Variants in WDR70 observed in about 807,000 individuals in gnomAD.
WDR70 encodes WD repeat domain 70.
A neutral mutation model predicts 88.6 loss-of-function variants in WDR70; 53 were observed. That is an observed-to-expected ratio of 0.60 (90% CI 0.48 to 0.75). WDR70 has a LOEUF of 0.75. Ranked by LOEUF, WDR70 falls within the 30% of genes least tolerant of loss-of-function variation. WDR70 has a pLI of 0.00. For missense variants in WDR70, 610 were observed against 823.2 expected (o/e 0.74, Z 3.17); for synonymous variants, 280 against 270.0 (o/e 1.04, Z -0.36).
At chr5:37,466,705 CAAAAAAAAAA>C (rs796359494) in intron 7 of WDR70, among the ~76,000 whole-genome samples, 2 of 65,530 alleles carry the variant, frequency 3.1e-5, no homozygotes, top group African/African-American at 1.3e-4. Context: ...GACTCCATCT[CAAAAAAAAAA>C]AAAAAAAAAA....
chr5:37,534,648 C>T (rs971953904), intron 9 of WDR70, among the ~76,000 whole-genome samples: 1 of 152,064 alleles, frequency 6.6e-6, no homozygotes. Flanking sequence ...CAGGCTCCCA[C>T]CACCACACCT....
chr5:37,673,575 CTT>C (rs1262634558), intron 10 of WDR70, among the ~76,000 whole-genome samples: 3 of 78,758 alleles, frequency 3.8e-5, no homozygotes, highest in Non-Finnish European at 7.6e-5. Flanking sequence ...TATTTTTTGA[CTT>C]TTCTTACCCC....
At chr5:37,716,725 A>G (rs1011059027) in intron 13 of WDR70, among the ~76,000 whole-genome samples, 1 of 152,134 alleles carries the variant, frequency 6.6e-6, no homozygotes, top group Non-Finnish European at 1.5e-5. Context: ...TTCCCTTTCT[A>G]CCATGTCCTA....
At chr5:37,568,477 T>C (rs4869437) in intron 9 of WDR70, among the ~76,000 whole-genome samples, 21,132 of 152,252 alleles carry the variant, frequency 0.14, 1,671 homozygotes, top group South Asian at 0.26. Context: ...TAAACAAGAA[T>C]GCACTATATT....
intron 17 of WDR70, among the ~76,000 whole-genome samples, chr5:37,747,714 G>T (rs891636006): frequency 6.6e-6 from 1 of 152,206 alleles, no homozygotes; most frequent in East Asian, 1.9e-4. Flanking sequence ...GTTTGCAGAT[G>T]ACATGATTTT....
intron 13 of WDR70, among the ~76,000 whole-genome samples, chr5:37,708,846 G>A (rs1053864960): frequency 6.6e-6 from 1 of 152,106 alleles, no homozygotes; most frequent in African/African-American, 2.4e-5. Context: ...GCCGATCTGG[G>A]AATTCACTTC....
Position 37,713,269 on chromosome 5 carries a change from C to T in WDR70, c.1417-7846C>T, listed in dbSNP as rs572528577. Among the ~76,000 whole-genome samples the T allele has an allele frequency of 1.4e-4, 21 of 152,232 alleles. No individual in the cohort carries two copies. The South Asian group carries it at 1.5e-3, about 11-fold the overall frequency. On this transcript the variant is annotated intron_variant, in intron 13 of 17. Transcript: ENST00000265107. ...ATGAGGATCAAAAGGAGGGCTTATC[C>T]AGTTTAATAGTTTATCCATTTCCTA... is the stretch of plus-strand genomic sequence containing the variant.
In WDR70 at chr5:37,689,138, C is replaced by T. The variant is rs112836642; in HGVS notation, c.1093-8517C>T. Among the ~76,000 whole-genome samples, 558 of 152,316 alleles carry T rather than the reference C, an allele frequency of 3.7e-3. 8 individuals are homozygous for T. The highest frequency in any genetic ancestry group is 0.013 in the African/African-American group (528 of 41,556). On this transcript the variant is annotated intron_variant, in intron 10 of 17. Coordinates refer to ENST00000265107, the MANE Select transcript of WDR70 (RefSeq NM_018034.4). Reference sequence around the variant, plus strand: ...GGCGGCAGCCTGGCTGGGGGAGGGGCGTCCGCCATTGCTGAGGCTTGAGTA... The same window carrying T: ...GGCGGCAGCCTGGCTGGGGGAGGGGTGTCCGCCATTGCTGAGGCTTGAGTA...
At position 37,485,197 on chromosome 5, in the gene WDR70, T is replaced by G. The variant is rs547360410; in HGVS notation, c.840+5210T>G. On this transcript the variant is annotated intron_variant, in intron 8 of 17. Coordinates refer to ENST00000265107, the MANE Select transcript of WDR70 (RefSeq NM_018034.4). The stretch of plus-strand genomic sequence containing the variant: ...TTTTGTAATACAGTAATTCTCATGA[T>G]TTTTGTCTGAATTGAAATCTTCTAT... 3.3e-5 allele frequency among the ~76,000 whole-genome samples: 5 copies of G among 152,332 alleles called. No homozygotes were observed. The East Asian group carries it at 7.7e-4, about 23-fold the overall frequency.
chr5:37,728,340 C>A (rs1748046019), intron 17 of WDR70, among the ~76,000 whole-genome samples: 1 of 131,726 alleles, frequency 7.6e-6, no homozygotes, highest in Non-Finnish European at 1.6e-5. Context: ...AGAGTAAGAC[C>A]TTGCCTCCAA....
At chr5:37,564,909 T>C (rs1042690371) in intron 9 of WDR70, among the ~76,000 whole-genome samples, 12 of 152,198 alleles carry the variant, frequency 7.9e-5, no homozygotes, top group African/African-American at 2.7e-4. Context: ...TTATGTTAAT[T>C]GATACTTTTC....
At chr5:37,406,976 A>G (rs1302976249) in intron 5 of WDR70, among the ~76,000 whole-genome samples, 1 of 152,202 alleles carries the variant, frequency 6.6e-6, no homozygotes, top group East Asian at 1.9e-4. Flanking sequence ...AACAAAAGGA[A>G]CTAACGAAAA....
chr5:37,606,981 T>G (rs2112479283), intron 10 of WDR70, among the ~76,000 whole-genome samples: 2 of 140,846 alleles, frequency 1.4e-5, no homozygotes, highest in South Asian at 5.1e-4. Context: ...CTCTGTCACC[T>G]AGGCTGGAGT....
At chr5:37,616,496 A>G (rs1744347512) in intron 10 of WDR70, among the ~76,000 whole-genome samples, 1 of 152,014 alleles carries the variant, frequency 6.6e-6, no homozygotes, top group South Asian at 2.1e-4. Flanking sequence ...CTTTTCCTAT[A>G]CTAAACACTC....
intron 5 of WDR70, among the ~76,000 whole-genome samples, chr5:37,410,397 C>T (rs78650033): frequency 1.3e-5 from 2 of 151,840 alleles, no homozygotes; most frequent in East Asian, 3.9e-4. Flanking sequence ...TTTCTCATTC[C>T]TCCAGTTTCT....
intron 9 of WDR70, among the ~76,000 whole-genome samples, chr5:37,519,621 G>A (rs1287305234): frequency 7.1e-5 from 9 of 127,096 alleles, no homozygotes; most frequent in Admixed American, 1.6e-4. Context: ...GTGGCCGGGC[G>A]GAGGCGCTCC....
chr5:37,477,085 G>A (rs1242849157), intron 7 of WDR70, among the ~76,000 whole-genome samples: 2 of 152,174 alleles, frequency 1.3e-5, no homozygotes, highest in Non-Finnish European at 2.9e-5. Context: ...AAACCATTCA[G>A]GTGGTATTGT....
At chr5:37,476,164 A>T (rs1739474776) in intron 7 of WDR70, among the ~76,000 whole-genome samples, 1 of 152,048 alleles carries the variant, frequency 6.6e-6, no homozygotes, top group Non-Finnish European at 1.5e-5. Context: ...TTAATTTTTA[A>T]TACTATGTTT....
intron 9 of WDR70, among the ~76,000 whole-genome samples, chr5:37,534,588 C>G (rs1432879163): frequency 6.6e-6 from 1 of 151,828 alleles, no homozygotes; most frequent in Non-Finnish European, 1.5e-5. Flanking sequence ...ACCTCCGCCC[C>G]CTGGGTTCAA....
Sources: gnomAD v4.1 joint callset for allele counts (sites outside exome capture counted in the v4.1 genomes callset) on GRCh38, gnomAD v4.1.1 for gene constraint, MANE v1.5 for transcripts, NCBI Gene and HGNC (gene_info 2026-07-23, HGNC 2026-07-21) for gene names.